Variants in TCF19 observed in about 807,000 individuals in gnomAD.
The protein encoded by TCF19 is transcription factor 19.
A neutral mutation model predicts 18.3 loss-of-function variants in TCF19; 9 were observed. The ratio of observed to expected loss-of-function variants is 0.49; its 90% confidence interval spans 0.30 to 0.86. The LOEUF is 0.86. Ranked by LOEUF, TCF19 falls within the 40% of genes least tolerant of loss-of-function variation. TCF19 has a pLI of 0.07. For missense variants in TCF19, 376 were observed against 464.3 expected, an observed-to-expected ratio of 0.81 and a Z score of 1.75; for synonymous variants, 176 against 185.3, an observed-to-expected ratio of 0.95 and a Z score of 0.41.
Position 31,163,075 on chromosome 6 carries a change from C to A in TCF19, c.*358C>A. 9.0e-7 allele frequency: 1 copy of A among 1,109,864 alleles called. No homozygotes were observed. The highest frequency in any genetic ancestry group is 1.1e-6 in the Non-Finnish European group (1 of 907,866). 68.8% of individuals were successfully genotyped at this position (1,109,864 alleles called of 1,614,324 possible). A position where few individuals can be genotyped will look rare whatever the true frequency, so the allele number is the denominator to read the frequency against. On this transcript the variant is annotated 3_prime_UTR_variant, in exon 4 of 4. Transcript: ENST00000376257. Reference sequence around the variant, plus strand: ...CCGATGGAAAATGTAAGAGGGAGTTCTTAAGGTTCTTGGTGGCATCACCCA... The same window carrying A: ...CCGATGGAAAATGTAAGAGGGAGTTATTAAGGTTCTTGGTGGCATCACCCA...
chr6:31,161,611 A>T lies in TCF19; in HGVS notation c.403A>T (p.Thr135Ser). The T allele has an allele frequency of 6.3e-7, 1 of 1,577,312 alleles. No homozygotes were observed. Among genetic ancestry groups the T allele is most frequent in the South Asian group, 1.2e-5 (1 of 85,046 alleles). Residue 135 changes from threonine to serine, a missense_variant, in exon 3 of 4, where the codon ACC becomes TCC. Coordinates refer to ENST00000376257, the MANE Select transcript of TCF19 (RefSeq NM_007109.3). Reference protein sequence around the residue: ...RVKPQDFAAITIPRSRGEARV... With the variant: ...RVKPQDFAAISIPRSRGEARV... ...CAAGCCTCAGGACTTTGCTGCCATT[A>T]CCATCCCACGGTCTAGGGGAGAAGC...
At position 31,163,927 on chromosome 6, in the gene TCF19, G is replaced by C. The variant is rs1277888872; in HGVS notation, c.*1210G>C. 1.0e-6 allele frequency: 1 copy of C among 985,874 alleles called. No homozygotes were observed. The highest frequency in any genetic ancestry group is 1.7e-5 in the African/African-American group (1 of 57,224). 61.1% of individuals were successfully genotyped at this position (985,874 alleles called of 1,614,324 possible). ...GTAACTAATGAGTCACTTATGGGCA[G>C]AGTATGCAAAAACCTTAAGTGGAAA... On this transcript the variant is annotated 3_prime_UTR_variant, in exon 4 of 4. Coordinates refer to ENST00000376257, the MANE Select transcript of TCF19 (RefSeq NM_007109.3).
Position 31,164,178 on chromosome 6 carries a change from C to T in TCF19, c.*1461C>T. ...CACAGGCTTTTGGGAACTAGCCTAT[C>T]ACAGGGCCCTGTACAAATAAACTTG... On this transcript the variant is annotated 3_prime_UTR_variant, in exon 4 of 4. Coordinates refer to ENST00000376257, the MANE Select transcript of TCF19 (RefSeq NM_007109.3). The T allele has an allele frequency of 1.8e-6, 2 of 1,133,538 alleles. No homozygotes were observed. Among genetic ancestry groups the T allele is most frequent in the South Asian group, 5.9e-5 (2 of 33,910 alleles). The allele number at this position is 1,133,538 out of a possible 1,614,324, so 70.2% of individuals were successfully genotyped here. A position where few individuals can be genotyped will look rare whatever the true frequency, so the allele number is the denominator to read the frequency against.
In TCF19 at chr6:31,163,717, G is replaced by A; in HGVS notation, c.*1000G>A. 2 of 985,460 alleles carry A rather than the reference G, an allele frequency of 2.0e-6. No individual in the cohort carries two copies. Among genetic ancestry groups the A allele is most frequent in the Non-Finnish European group, 2.4e-6 (2 of 829,958 alleles). 61.0% of individuals were successfully genotyped at this position (985,460 alleles called of 1,614,324 possible). A position where few individuals can be genotyped will look rare whatever the true frequency, so the allele number is the denominator to read the frequency against. On this transcript the variant is annotated 3_prime_UTR_variant, in exon 4 of 4. Coordinates refer to ENST00000376257, the MANE Select transcript of TCF19 (RefSeq NM_007109.3). ...TTTTCTTTTGTGAGCCTTACACCAA[G>A]CCAAACTATTGTCAAAGCATCATTT...
intron 2 of TCF19, among the ~76,000 whole-genome samples, chr6:31,160,482 A>G (rs9263788): frequency 0.84 from 127,207 of 151,626 alleles, 53,600 homozygotes; most frequent in Middle Eastern, 0.94. Context: ...AAGCCTGGGC[A>G]CGGTGGCTCA....
chr6:31,162,622 G>A lies in TCF19; in HGVS notation c.943G>A (p.Val315Ile), dbSNP rs762319085. The change falls in exon 4 of 4, where the codon GTC (valine) becomes ATC (isoleucine). Residue 315 changes from valine to isoleucine, a missense_variant. By Grantham distance (29) the Val-to-Ile change is conservative. Coordinates refer to ENST00000376257, the MANE Select transcript of TCF19 (RefSeq NM_007109.3). This position sits in a 1 kb window ranked among gnomAD's most constrained non-coding sequence, Gnocchi z 4.5. The stretch of plus-strand genomic sequence containing the variant: ...CTGGGTTCAGTGTGATGGCTGTGAC[G>A]TCTGGTTCCATGTGGCCTGTGTTGG... ...VAWVQCDGCD[V>I]WFHVACVGCS... 68 of 1,612,854 alleles carry A rather than the reference G, an allele frequency of 4.2e-5. No homozygotes were observed. The highest frequency in any genetic ancestry group is 4.9e-5 in the Non-Finnish European group (58 of 1,180,030).
At position 31,163,130 on chromosome 6, in the gene TCF19, C is replaced by T; in HGVS notation, c.*413C>T. ...ATTCTGGGAAAACCTAGGGCCTGGCCCCAAAACTTCCCTACTCTGTGGCTA... is the reference window on the plus strand; with the variant it reads ...ATTCTGGGAAAACCTAGGGCCTGGCTCCAAAACTTCCCTACTCTGTGGCTA... On this transcript the variant is annotated 3_prime_UTR_variant, in exon 4 of 4. Transcript: ENST00000376257. 9.7e-7 allele frequency: 1 copy of T among 1,030,350 alleles called. No individual in the cohort carries two copies. The highest frequency in any genetic ancestry group is 1.2e-6 in the Non-Finnish European group (1 of 857,912). 63.8% of individuals were successfully genotyped at this position (1,030,350 alleles called of 1,614,324 possible).
chr6:31,162,386 G>T lies in TCF19; in HGVS notation c.798-91G>T. 6.7e-7 allele frequency: 1 copy of T among 1,500,428 alleles called. No individual in the cohort carries two copies. Among genetic ancestry groups the T allele is most frequent in the Non-Finnish European group, 8.9e-7 (1 of 1,119,112 alleles). The allele number at this position is 1,500,428 out of a possible 1,614,324, so 92.9% of individuals were successfully genotyped here. A position where few individuals can be genotyped will look rare whatever the true frequency, so the allele number is the denominator to read the frequency against. On this transcript the variant is annotated intron_variant, in intron 3 of 3. Coordinates refer to ENST00000376257, the MANE Select transcript of TCF19 (RefSeq NM_007109.3). This position sits in a 1 kb window ranked among gnomAD's most constrained non-coding sequence, Gnocchi z 4.5. ...GTTCTCAGACCACTGTGCCTCTGTG[G>T]CCTCACCCTATGACCAGCCATAGGG...
In TCF19 at chr6:31,162,328, G is replaced by A; in HGVS notation, c.798-149G>A. 1 of 1,193,464 alleles carries A rather than the reference G, an allele frequency of 8.4e-7. No homozygotes were observed. The highest frequency in any genetic ancestry group is 1.2e-6 in the Non-Finnish European group (1 of 856,098). 73.9% of individuals were successfully genotyped at this position (1,193,464 alleles called of 1,614,324 possible). A position where few individuals can be genotyped will look rare whatever the true frequency, so the allele number is the denominator to read the frequency against. On this transcript the variant is annotated intron_variant, in intron 3 of 3. Transcript: ENST00000376257. This position sits in a 1 kb window ranked among gnomAD's most constrained non-coding sequence, Gnocchi z 4.5. ...CTAGAGGTTTTTAGGCCCACCCTAT[G>A]TGTTTTTAAGGACAGAGTCCAGGCT... is the stretch of plus-strand genomic sequence containing the variant.
At position 31,162,360 on chromosome 6, in the gene TCF19, A is replaced by C. The variant is rs1776841068; in HGVS notation, c.798-117A>C. On this transcript the variant is annotated intron_variant, in intron 3 of 3. Coordinates refer to ENST00000376257, the MANE Select transcript of TCF19 (RefSeq NM_007109.3). The surrounding 1 kb of genome is among the most constrained non-coding windows in gnomAD (Gnocchi z 4.5). ...TAAGGACAGAGTCCAGGCTCACCTT[A>C]GTTCTCAGACCACTGTGCCTCTGTG... 5.0e-6 allele frequency: 7 copies of C among 1,408,086 alleles called. No individual in the cohort carries two copies. Among genetic ancestry groups the C allele is most frequent in the Non-Finnish European group, 6.7e-6 (7 of 1,040,254 alleles). The allele number at this position is 1,408,086 out of a possible 1,614,324, so 87.2% of individuals were successfully genotyped here.
rs979279052 is a variant in TCF19 at position 31,163,486 on chromosome 6, T to G, written c.*769T>G. Reference sequence around the variant, plus strand: ...TTAAATAAGGTAACTGGGATTTGGTTAAGTTCACAAAGATAGCAGAAGATT... The same window carrying G: ...TTAAATAAGGTAACTGGGATTTGGTGAAGTTCACAAAGATAGCAGAAGATT... On this transcript the variant is annotated 3_prime_UTR_variant, in exon 4 of 4. Transcript: ENST00000376257. 3.0e-6 allele frequency: 3 copies of G among 985,440 alleles called. No individual in the cohort carries two copies. In the Admixed American group the frequency reaches 1.8e-4, roughly 61 times the overall value. 61.0% of individuals were successfully genotyped at this position (985,440 alleles called of 1,614,324 possible).
chr6:31,159,639 A>C lies in TCF19; in HGVS notation c.170A>C (p.His57Pro). The C allele has an allele frequency of 6.2e-7, 1 of 1,613,940 alleles. No individual in the cohort carries two copies. The highest frequency in any genetic ancestry group is 8.5e-7 in the Non-Finnish European group (1 of 1,180,040). Residue 57 changes from histidine to proline, a missense_variant, in exon 2 of 4, where the codon CAC becomes CCC. By Grantham distance (77) the His-to-Pro change is moderately conservative (BLOSUM62 -2). Transcript: ENST00000376257. The stretch of plus-strand genomic sequence containing the variant: ...GAGCCTGGCCTCATCTCTGGGATCC[A>C]CGCCGAACTGCATGCCGAGCCCCGG... Reference protein sequence around the residue: ...QQEPGLISGIHAELHAEPRGD... With the variant: ...QQEPGLISGIPAELHAEPRGD...
chr6:31,159,383 G>A lies in TCF19; in HGVS notation c.-87G>A. 3 of 1,260,674 alleles carry A rather than the reference G, an allele frequency of 2.4e-6. No individual in the cohort carries two copies. The highest frequency in any genetic ancestry group is 2.2e-6 in the Non-Finnish European group (2 of 922,814). 78.1% of individuals were successfully genotyped at this position (1,260,674 alleles called of 1,614,324 possible). ...TCAAGTTTGCATCAGACTGGGAAGCGAACTTAAGCCAGCGGTGCGTGGCCC... is the reference window on the plus strand; with the variant it reads ...TCAAGTTTGCATCAGACTGGGAAGCAAACTTAAGCCAGCGGTGCGTGGCCC... On this transcript the variant is annotated 5_prime_UTR_variant, in exon 2 of 4. Coordinates refer to ENST00000376257, the MANE Select transcript of TCF19 (RefSeq NM_007109.3).
chr6:31,161,676 G>A lies in TCF19; in HGVS notation c.468G>A (p.Gln156=). 1.3e-6 allele frequency: 2 copies of A among 1,531,226 alleles called. No homozygotes were observed. The highest frequency in any genetic ancestry group is 2.3e-5 in the East Asian group (1 of 43,856). 94.9% of individuals were successfully genotyped at this position (1,531,226 alleles called of 1,614,324 possible). A position where few individuals can be genotyped will look rare whatever the true frequency, so the allele number is the denominator to read the frequency against. Residue 156 remains glutamine (Q), a synonymous_variant, in exon 3 of 4, where the codon CAG becomes CAA. Transcript: ENST00000376257. The part of the protein sequence containing the change: ...GAGFRPMLPS[Q]GAPQRPLSTF... ...GTTTCCGGCCTATGCTGCCCTCCCAGGGGGCTCCACAGCGGCCTCTCAGCA... is the reference window on the plus strand; with the variant it reads ...GTTTCCGGCCTATGCTGCCCTCCCAAGGGGCTCCACAGCGGCCTCTCAGCA...
rs916408855 is a variant in TCF19, at chr6:31,163,015, A to G, written c.*298A>G. 4 of 1,275,436 alleles carry G rather than the reference A, an allele frequency of 3.1e-6. No homozygotes were observed. In the African/African-American group the frequency reaches 6.0e-5, roughly 19 times the overall value. The allele number at this position is 1,275,436 out of a possible 1,614,324, so 79.0% of individuals were successfully genotyped here. A position where few individuals can be genotyped will look rare whatever the true frequency, so the allele number is the denominator to read the frequency against. On this transcript the variant is annotated 3_prime_UTR_variant, in exon 4 of 4. Transcript: ENST00000376257. The stretch of plus-strand genomic sequence containing the variant: ...CATGGACACCAGAATATCTGTAGTC[A>G]GAGCACCTATCAGTTGCAAAAGCCA...
Position 31,162,583 on chromosome 6 carries a change from GAA to G in TCF19, c.905_906del (p.Glu302GlyfsTer9). 1 of 1,613,018 alleles carries G rather than the reference GAA, an allele frequency of 6.2e-7. No homozygotes were observed. Among genetic ancestry groups the G allele is most frequent in the Non-Finnish European group, 8.5e-7 (1 of 1,180,020 alleles). On this transcript the variant is annotated frameshift_variant, in exon 4 of 4. Transcript: ENST00000376257. LOFTEE classifies it high-confidence loss of function. The surrounding 1 kb of genome is among the most constrained non-coding windows in gnomAD (Gnocchi z 4.5). ...AGCTCCTTGTTGCTGCCTGCCCCAGGAAGAGACAGTGGCCTGGGTTCAGTGTG... is the reference window on the plus strand; with the variant it reads ...AGCTCCTTGTTGCTGCCTGCCCCAGGGAGACAGTGGCCTGGGTTCAGTGTG... ...CAAPCCCLPQEETVAWVQCDG... is the reference protein window; with the variant it reads ...CAAPCCCLPQXETVAWVQCDG...
In TCF19 at chr6:31,164,018, G is replaced by C; in HGVS notation, c.*1301G>C. 6 of 994,056 alleles carry C rather than the reference G, an allele frequency of 6.0e-6. No individual in the cohort carries two copies. The highest frequency in any genetic ancestry group is 7.2e-6 in the Non-Finnish European group (6 of 835,024). 61.6% of individuals were successfully genotyped at this position (994,056 alleles called of 1,614,324 possible). A position where few individuals can be genotyped will look rare whatever the true frequency, so the allele number is the denominator to read the frequency against. Reference sequence around the variant, plus strand: ...AGAAGTTTCTGGTTGGGGTGATCTAGGTTCAACAGAAATAAGATGATTTCT... The same window carrying C: ...AGAAGTTTCTGGTTGGGGTGATCTACGTTCAACAGAAATAAGATGATTTCT... On this transcript the variant is annotated 3_prime_UTR_variant, in exon 4 of 4. Transcript: ENST00000376257.
Position 31,162,793 on chromosome 6 carries a change from A to C in TCF19, c.*76A>C. On this transcript the variant is annotated 3_prime_UTR_variant, in exon 4 of 4. Coordinates refer to ENST00000376257, the MANE Select transcript of TCF19 (RefSeq NM_007109.3). This position sits in a 1 kb window ranked among gnomAD's most constrained non-coding sequence, Gnocchi z 4.5. ...CAGCGAGCAAATAGGTCTGATAAAT[A>C]CCCCCCTTCCCTTCCCTCCCCAGGA... is the stretch of plus-strand genomic sequence containing the variant. 3 of 1,539,520 alleles carry C rather than the reference A, an allele frequency of 1.9e-6. No individual in the cohort carries two copies. The highest frequency in any genetic ancestry group is 2.3e-5 in the East Asian group (1 of 43,498).
chr6:31,161,360 C>A (rs1168665770), intron 2 of TCF19, 87 bp from the exon 3 acceptor site: 1 of 1,134,370 alleles, frequency 8.8e-7, no homozygotes, highest in Non-Finnish European at 1.2e-6. Flanking sequence ...ATATTCTTCC[C>A]CAGAAATCAT....
Sources: allele counts gnomAD v4.1 joint callset (sites outside exome capture counted in the v4.1 genomes callset), GRCh38; gene constraint gnomAD v4.1.1; non-coding constraint Gnocchi (gnomAD v3.1); transcripts MANE v1.5; gene names NCBI Gene and HGNC (gene_info 2026-07-23, HGNC 2026-07-21).